The following ANKRD12 variants were observed in gnomAD, a reference collection of about 807,000 sequenced individuals.
The protein encoded by ANKRD12 is ankyrin repeat domain 12, also known as ankyrin repeat domain-containing protein 12.
ANKRD12 carries 85 observed loss-of-function variants against 183.4 expected under a neutral mutation model. The observed-to-expected ratio is 0.46, with a 90% CI of 0.39 to 0.56. The LOEUF is 0.56. ANKRD12 is among the 20% of genes least tolerant of loss of function. The pLI, the probability that ANKRD12 is intolerant of heterozygous loss-of-function variation, is 0.00. For synonymous variants in ANKRD12, 914 were observed against 800.2 expected, an observed-to-expected ratio of 1.14 and a Z score of -2.40; for missense variants, 2,405 against 2,357.1, an observed-to-expected ratio of 1.02 and a Z score of -0.42.
chr18:9,272,894 C>G (rs1008932864), intron 10 of ANKRD12, among the ~76,000 whole-genome samples: 2 of 151,868 alleles, frequency 1.3e-5, no homozygotes, highest in Admixed American at 1.3e-4. Context: ...TATAATATGG[C>G]CTGTTTTCTC....
intron 2 of ANKRD12, among the ~76,000 whole-genome samples, chr18:9,186,078 A>G (rs2034029421): frequency 6.6e-6 from 1 of 151,286 alleles, no homozygotes; most frequent in African/African-American, 2.4e-5. Flanking sequence ...CTTTTCATGT[A>G]TCTTTTGAAA....
Position 9,161,534 on chromosome 18 carries a change from C to T in ANKRD12, c.-51-20848C>T, listed in dbSNP as rs555040933. Among the ~76,000 whole-genome samples the T allele has an allele frequency of 4.2e-3, 639 of 151,854 alleles. 8 individuals are homozygous for T. Among genetic ancestry groups the T allele is most frequent in the African/African-American group, 0.015 (623 of 41,440 alleles). ...GGGACCACAGGCGCCCGCCACCACG[C>T]CTGGCTAATTTTTTGTATTTTTAGT... On this transcript the variant is annotated intron_variant, in intron 1 of 12. Coordinates refer to ENST00000262126, the MANE Select transcript of ANKRD12 (RefSeq NM_015208.5).
At chr18:9,197,465 C>G (rs984962679) in intron 3 of ANKRD12, among the ~76,000 whole-genome samples, 1 of 152,200 alleles carries the variant, frequency 6.6e-6, no homozygotes, top group Non-Finnish European at 1.5e-5. Context: ...CTTTTTCCCC[C>G]TTCACACAGT....
chr18:9,262,038 G>A (rs988091154), intron 9 of ANKRD12, among the ~76,000 whole-genome samples: 10 of 152,210 alleles, frequency 6.6e-5, no homozygotes, highest in African/African-American at 2.2e-4. Flanking sequence ...CTGAGAAATG[G>A]TCAGTTCCAG....
Position 9,275,677 on chromosome 18 carries a change from T to G in ANKRD12, c.5907+10T>G. 6.5e-7 allele frequency: 1 copy of G among 1,547,150 alleles called. No homozygotes were observed. The highest frequency in any genetic ancestry group is 1.2e-5 in the South Asian group (1 of 81,998). ...ACCATTGGACTCTCAGGTAAAATGT[T>G]TGTTGATACATTTAGAAGTAATGGT... On this transcript the variant is annotated intron_variant, in intron 11 of 12. Transcript: ENST00000262126.
chr18:9,159,666 C>G (rs921549132), intron 1 of ANKRD12, among the ~76,000 whole-genome samples: 1 of 151,544 alleles, frequency 6.6e-6, no homozygotes, highest in Non-Finnish European at 1.5e-5. Context: ...GTCTCGATCT[C>G]CTGACCTCGT....
chr18:9,237,111 G>T (rs1307161983), intron 8 of ANKRD12, among the ~76,000 whole-genome samples: 1 of 152,088 alleles, frequency 6.6e-6, no homozygotes, highest in Non-Finnish European at 1.5e-5. Context: ...TTATGAAGTG[G>T]TTACCTAATA....
chr18:9,240,594 C>A (rs1370660166), intron 8 of ANKRD12, among the ~76,000 whole-genome samples: 1 of 152,184 alleles, frequency 6.6e-6, no homozygotes, highest in African/African-American at 2.4e-5. Context: ...CTTAGAATGT[C>A]TAATGAGCAA....
chr18:9,258,457 A>C lies in ANKRD12; in HGVS notation c.5190A>C (p.Gln1730His). 1 of 1,613,842 alleles carries C rather than the reference A, an allele frequency of 6.2e-7. No individual in the cohort carries two copies. The highest frequency in any genetic ancestry group is 2.2e-5 in the East Asian group (1 of 44,858). The change falls in exon 9 of 13, where the codon CAA becomes CAC. Residue 1730 changes from glutamine to histidine, a missense_variant. Gln to His is a conservative substitution (Grantham distance 24). Around this residue, in one of 7 missense-constraint regions of ANKRD12, gnomAD observed 1,983 missense variants for 1,725.9 expected, o/e 1.15. Transcript: ENST00000262126. Reference protein sequence around the residue: ...ENAEDDKTENQIPQRMTRNKA... With the variant: ...ENAEDDKTENHIPQRMTRNKA... Reference sequence around the variant, plus strand: ...CCGAAGATGATAAAACTGAAAACCAAATCCCTCAAAGAATGACTAGAAACA... The same window carrying C: ...CCGAAGATGATAAAACTGAAAACCACATCCCTCAAAGAATGACTAGAAACA...
At position 9,274,299 on chromosome 18, in the gene ANKRD12, A is replaced by G. The variant is rs374521355; in HGVS notation, c.5764-1225A>G. On this transcript the variant is annotated intron_variant, in intron 10 of 12. Transcript: ENST00000262126. ...TGCCACCCTTCAAGCCCAAATGTCT[A>G]TCAACTGATGAATAAATAAAATGTG... Among the ~76,000 whole-genome samples, 15 of 152,344 alleles carry G rather than the reference A, an allele frequency of 9.8e-5. No individual in the cohort carries two copies. The East Asian group carries it at 1.2e-3, about 12-fold the overall frequency.
chr18:9,142,475 A>C (rs752358723), intron 1 of ANKRD12, among the ~76,000 whole-genome samples: 1 of 152,180 alleles, frequency 6.6e-6, no homozygotes, highest in African/African-American at 2.4e-5. Context: ...AGAGACATGC[A>C]CTTCTATTTT....
intron 1 of ANKRD12, among the ~76,000 whole-genome samples, chr18:9,181,286 GGTTTC>G (rs2033680723): frequency 6.6e-6 from 1 of 151,986 alleles, no homozygotes; most frequent in East Asian, 1.9e-4. Context: ...AGGGATTTTT[GGTTTC>G]GTTTCTATCA....
At chr18:9,241,122 G>A (rs540814565) in intron 8 of ANKRD12, among the ~76,000 whole-genome samples, 7 of 152,208 alleles carry the variant, frequency 4.6e-5, no homozygotes, top group African/African-American at 1.7e-4. Context: ...TAAGTAGGGA[G>A]AAGCATTAGC....
intron 6 of ANKRD12, among the ~76,000 whole-genome samples, chr18:9,212,351 A>G (rs1465259716): frequency 6.6e-6 from 1 of 151,828 alleles, no homozygotes; most frequent in African/African-American, 2.4e-5. Flanking sequence ...TTACTCATTC[A>G]GTTCATTTTT....
intron 3 of ANKRD12, among the ~76,000 whole-genome samples, chr18:9,197,176 T>A (rs543494488): frequency 5.1e-4 from 78 of 152,316 alleles, no homozygotes; most frequent in African/African-American, 1.8e-3. Flanking sequence ...TTATTTAGAA[T>A]AAAATTAAGG....
rs113064458 is a variant in ANKRD12 at position 9,175,264 on chromosome 18, C to T, written c.-51-7118C>T. Among the ~76,000 whole-genome samples, 909 of 152,280 alleles carry T rather than the reference C, an allele frequency of 6.0e-3. 7 individuals carry two copies. Among genetic ancestry groups the T allele is most frequent in the Non-Finnish European group, 8.8e-3 (599 of 68,020 alleles). ...GATATTCACTTGTATTATACATGTG[C>T]AGTCTCCATGTTTGTAGCATTCAGA... On this transcript the variant is annotated intron_variant, in intron 1 of 12. Coordinates refer to ENST00000262126, the MANE Select transcript of ANKRD12 (RefSeq NM_015208.5).
chr18:9,154,561 A>AAAC (rs902325005), intron 1 of ANKRD12, among the ~76,000 whole-genome samples: 1 of 152,178 alleles, frequency 6.6e-6, no homozygotes, highest in Non-Finnish European at 1.5e-5. Flanking sequence ...GTCTCTTAAA[A>AAAC]AACAACAACA....
At chr18:9,252,030 T>C (rs142193037) in intron 8 of ANKRD12, among the ~76,000 whole-genome samples, 7 of 152,254 alleles carry the variant, frequency 4.6e-5, no homozygotes, top group Admixed American at 4.6e-4. Flanking sequence ...CTTTAAAAAT[T>C]GGAAAAATAG....
At chr18:9,212,360 T>G (rs2035852262) in intron 6 of ANKRD12, among the ~76,000 whole-genome samples, 1 of 152,016 alleles carries the variant, frequency 6.6e-6, no homozygotes. Flanking sequence ...CAGTTCATTT[T>G]TATTATATAT....
Sources: gnomAD v4.1 joint callset for allele counts (sites outside exome capture counted in the v4.1 genomes callset) on GRCh38, gnomAD v4.1.1 for gene constraint, gnomAD v4.1.1 regional missense constraint, MANE v1.5 for transcripts, NCBI Gene and HGNC (gene_info 2026-07-23, HGNC 2026-07-21) for gene names.